Variants in CLVS1 observed in about 807,000 individuals in gnomAD.
CLVS1 encodes the protein clavesin-1.
In CLVS1, 10 loss-of-function variants were observed where a neutral mutation model predicts 33.1. The ratio of observed to expected loss-of-function variants is 0.30; its 90% CI spans 0.19 to 0.51. The LOEUF (loss-of-function observed/expected upper bound fraction) is 0.51, where lower values mean the gene tolerates loss of function less well. Ranked by LOEUF, CLVS1 falls within the 20% of genes least tolerant of loss-of-function variation. The pLI, the probability that CLVS1 is intolerant of heterozygous loss-of-function variation, is 0.97. For synonymous variants in CLVS1, 163 were observed against 166.1 expected, an observed-to-expected ratio of 0.98 and a Z score of 0.14; for missense variants, 343 against 433.4, an observed-to-expected ratio of 0.79 and a Z score of 1.85.
At chr8:61,187,026 C>T (rs980038001) in intron 2 of CLVS1, among the ~76,000 whole-genome samples, 4 of 152,132 alleles carry the variant, frequency 2.6e-5, no homozygotes, top group African/African-American at 9.7e-5. Flanking sequence ...CACAGCTAAA[C>T]TTATTTCTTT....
chr8:61,472,932 C>T (rs532854825), intron 5 of CLVS1, among the ~76,000 whole-genome samples: 75 of 152,158 alleles, frequency 4.9e-4, no homozygotes, highest in African/African-American at 1.8e-3. Flanking sequence ...GGACACTGCC[C>T]CTGCAGTGTC....
chr8:61,350,046 G>A (rs1812385825), intron 2 of CLVS1, among the ~76,000 whole-genome samples: 1 of 152,032 alleles, frequency 6.6e-6, no homozygotes, highest in South Asian at 2.1e-4. Flanking sequence ...TTAAACCATA[G>A]CATTAATATA....
chr8:61,288,662 T>A (rs1055086159), intron 1 of CLVS1, among the ~76,000 whole-genome samples: 2 of 152,118 alleles, frequency 1.3e-5, no homozygotes, highest in African/African-American at 4.8e-5. Context: ...CAGATTAGGG[T>A]CTGTTTAGTT....
intron 2 of CLVS1, among the ~76,000 whole-genome samples, chr8:61,144,936 G>T (rs1806384543): frequency 6.6e-6 from 1 of 152,120 alleles, no homozygotes. Context: ...TCACCATGTT[G>T]GTCAGGCAGG....
At chr8:61,076,227 C>G (rs1804907129) in intron 1 of CLVS1, among the ~76,000 whole-genome samples, 1 of 152,028 alleles carries the variant, frequency 6.6e-6, no homozygotes, top group South Asian at 2.1e-4. Context: ...TTAAAAGAAC[C>G]ATTTTGTAGC....
chr8:61,175,103 T>C (rs1305657213), intron 2 of CLVS1, among the ~76,000 whole-genome samples: 1 of 152,210 alleles, frequency 6.6e-6, no homozygotes, highest in Non-Finnish European at 1.5e-5. Flanking sequence ...ACTGTATTTC[T>C]CCAAAAGAAA....
chr8:61,293,768 A>G (rs1366128854), intron 1 of CLVS1, among the ~76,000 whole-genome samples: 1 of 152,142 alleles, frequency 6.6e-6, no homozygotes, highest in Non-Finnish European at 1.5e-5. Flanking sequence ...AAATTCACAC[A>G]TACCAATGGA....
chr8:61,340,671 C>T (rs1420499836), intron 2 of CLVS1, among the ~76,000 whole-genome samples: 2 of 152,220 alleles, frequency 1.3e-5, no homozygotes, highest in East Asian at 1.9e-4. Context: ...TTTCAACATA[C>T]TGACTGCATG....
rs146509181 is a variant in CLVS1, at chr8:61,091,034, C to T, written c.-243+33804C>T. The stretch of plus-strand genomic sequence containing the variant: ...CACCCTAATCCCCAGAACCTGTGCC[C>T]GTTACCTCACATGGCAAAAGGGACT... On this transcript the variant is annotated intron_variant, in intron 1 of 2. Coordinates refer to the CLVS1 transcript ENST00000522621. The T allele has an allele frequency of 6.4e-3, 2,791 of 434,676 alleles. 16 individuals carry two copies. Among genetic ancestry groups the T allele is most frequent in the Non-Finnish European group, 9.4e-3 (2,110 of 223,346 alleles). 26.9% of individuals were successfully genotyped at this position (434,676 alleles called of 1,614,324 possible).
At chr8:61,232,025 T>TTGTTTGTTTG (rs969751955) in intron 2 of CLVS1, among the ~76,000 whole-genome samples, 32 of 105,654 alleles carry the variant, frequency 3.0e-4, no homozygotes, top group African/African-American at 7.1e-4. Flanking sequence ...AAGTTGTGGT[T>TTGTTTGTTTG]TTTTTTTTTT....
the CLVS1 span, among the ~76,000 whole-genome samples, chr8:60,996,329 G>A: frequency 6.6e-6 from 1 of 152,124 alleles, no homozygotes; most frequent in Non-Finnish European, 1.5e-5. Flanking sequence ...GCTCACAGTT[G>A]GCATCTTATG....
intron 3 of CLVS1, among the ~76,000 whole-genome samples, chr8:61,450,067 T>A (rs1398690137): frequency 6.6e-6 from 1 of 152,218 alleles, no homozygotes; most frequent in African/African-American, 2.4e-5. Flanking sequence ...GGACACCTTT[T>A]TGCTAGATCA....
rs1585829548 is a variant in CLVS1 at position 61,342,565 on chromosome 8, G to T, written c.456-34040G>T. On this transcript the variant is annotated intron_variant, in intron 2 of 5. Transcript: ENST00000325897. ...TGAAAGTAGCAGCTGTTCTCTCCGT[G>T]CTTGTGCTGGGCCTGCATCTGGCAC... Among the ~76,000 whole-genome samples, 6 of 152,322 alleles carry T rather than the reference G, an allele frequency of 3.9e-5. 2 individuals are homozygous for T. The highest frequency in any genetic ancestry group is 3.9e-4 in the Admixed American group (6 of 15,308).
intron 1 of CLVS1, among the ~76,000 whole-genome samples, chr8:61,126,051 C>T (rs573016681): frequency 6.6e-6 from 1 of 151,988 alleles, no homozygotes; most frequent in South Asian, 2.1e-4. Flanking sequence ...TGGAAGTCAC[C>T]CCTTTGACTC....
chr8:61,462,590 C>T (rs1344198881), intron 5 of CLVS1, among the ~76,000 whole-genome samples: 2 of 152,164 alleles, frequency 1.3e-5, no homozygotes, highest in Non-Finnish European at 2.9e-5. Context: ...ATGAAAACAA[C>T]CTTCACCTCC....
intron 1 of CLVS1, among the ~76,000 whole-genome samples, chr8:61,117,750 G>C (rs1805757758): frequency 6.6e-6 from 1 of 152,166 alleles, no homozygotes; most frequent in African/African-American, 2.4e-5. Flanking sequence ...TAAGCTTTTT[G>C]ATGTGCTGCT....
chr8:61,242,263 T>C (rs1361546339), intron 2 of CLVS1, among the ~76,000 whole-genome samples: 2 of 152,192 alleles, frequency 1.3e-5, no homozygotes, highest in Non-Finnish European at 2.9e-5. Flanking sequence ...TCTCTGCTCA[T>C]TTTGAGACTT....
intron 2 of CLVS1, among the ~76,000 whole-genome samples, chr8:61,344,476 G>A (rs1182052429): frequency 6.6e-6 from 1 of 152,210 alleles, no homozygotes; most frequent in African/African-American, 2.4e-5. Flanking sequence ...GACCAGGCAG[G>A]GCAAGAGGCT....
intron 2 of CLVS1, among the ~76,000 whole-genome samples, chr8:61,277,732 A>G (rs1041139070): frequency 1.4e-4 from 21 of 152,206 alleles, no homozygotes; most frequent in African/African-American, 5.1e-4. Flanking sequence ...ATATTTGTTG[A>G]TAATAACGTC....
Sources: allele counts gnomAD v4.1 joint callset (sites outside exome capture counted in the v4.1 genomes callset), GRCh38; gene constraint gnomAD v4.1.1; transcripts MANE v1.5; gene names NCBI Gene and HGNC (gene_info 2026-07-23, HGNC 2026-07-21).